FAM221A: variants seen among roughly 807,000 people sequenced by gnomAD.
The protein encoded by FAM221A is family with sequence similarity 221 member A.
FAM221A carries 43 observed loss-of-function variants against 37.6 expected under a neutral mutation model. The observed-to-expected ratio is 1.15, with a 90% CI of 0.90 to 1.48. The LOEUF is 1.48. Ranked by LOEUF, FAM221A falls within the 40% of genes most tolerant of loss-of-function variation. The pLI, the probability that FAM221A is intolerant of heterozygous loss-of-function variation, is 0.00. For synonymous variants in FAM221A, 135 were observed against 132.9 expected, an observed-to-expected ratio of 1.02 and a Z score of -0.11; for missense variants, 361 against 361.5, an observed-to-expected ratio of 1.00 and a Z score of 0.01.
At chr7:23,691,674 T>G in intron 4 of FAM221A, 78 bp downstream of exon 4, 1 of 1,214,516 alleles carries the variant, frequency 8.2e-7, no homozygotes, top group South Asian at 1.3e-5. Flanking sequence ...TTATATTTGT[T>G]AAGCAATTTA....
chr7:23,703,101 A>G (rs1034028110), downstream of FAM221A: 1 of 152,212 alleles, frequency 6.6e-6, no homozygotes, highest in African/African-American at 2.4e-5. Context: ...ACTTCCTCAG[A>G]AAGTCCTATC....
intron 2 of FAM221A, chr7:23,686,741 C>T (rs1388047255): frequency 6.6e-6 from 1 of 150,394 alleles, no homozygotes; most frequent in Non-Finnish European, 1.5e-5. Flanking sequence ...CAGCTCACTA[C>T]CCAAAGCCAG....
At chr7:23,682,645 G>A (rs962486291) in intron 1 of FAM221A, among the ~76,000 whole-genome samples, 3 of 151,684 alleles carry the variant, frequency 2.0e-5, no homozygotes, top group South Asian at 4.2e-4. Flanking sequence ...GGCTGGGCTC[G>A]AACTCCTGAC....
chr7:23,692,302 T>C (rs1562524315), intron 4 of FAM221A: 1 of 622,876 alleles, frequency 1.6e-6, no homozygotes, highest in Non-Finnish European at 2.0e-6. Context: ...TATTTTTTCA[T>C]TTAAAAATTA....
At chr7:23,696,261 C>G (rs1020656902) in intron 4 of FAM221A, among the ~76,000 whole-genome samples, 11 of 121,782 alleles carry the variant, frequency 9.0e-5, no homozygotes, top group Admixed American at 2.7e-4. Context: ...AAAAATATGG[C>G]ATAAAAAATA....
At chr7:23,700,154 G>T (rs775499596) in intron 5 of FAM221A, among the ~76,000 whole-genome samples, 1 of 151,714 alleles carries the variant, frequency 6.6e-6, no homozygotes, top group African/African-American at 2.4e-5. Flanking sequence ...AACTAGAAGC[G>T]CAAGTGTTCA....
chr7:23,698,147 C>A, intron 4 of FAM221A, 45 bp from the exon 5 acceptor site: 1 of 951,860 alleles, frequency 1.1e-6, no homozygotes, highest in Non-Finnish European at 1.7e-6. Context: ...TTGTTTGTAT[C>A]CCTGTAAATA....
intron 2 of FAM221A, 86 bp downstream of exon 2, chr7:23,684,758 A>C (rs1267964178): frequency 5.7e-6 from 7 of 1,222,602 alleles, no homozygotes; most frequent in Middle Eastern, 2.0e-4. Context: ...AATGATTGAG[A>C]AACATTTAAC....
At chr7:23,698,029 G>GCC (rs1198572844) in intron 4 of FAM221A, among the ~76,000 whole-genome samples, 163 bp from the exon 5 acceptor site, 2 of 151,988 alleles carry the variant, frequency 1.3e-5, no homozygotes, top group Admixed American at 1.3e-4. Context: ...CAAAGTGTTG[G>GCC]CATTACAGGC....
chr7:23,690,199 A>ATATATATATATATTTT lies in FAM221A; in HGVS notation c.430+741_430+742insATATATATATATTTTT, dbSNP rs774313037. Among the ~76,000 whole-genome samples, 49 of 48,732 alleles carry ATATATATATATATTTT rather than the reference A, an allele frequency of 1.0e-3. 1 individual carries two copies. The highest frequency in any genetic ancestry group is 0.016 in the Middle Eastern group (1 of 62). 32.0% of individuals were successfully genotyped at this position (48,732 alleles called of 152,430 possible). A position where few individuals can be genotyped will look rare whatever the true frequency, so the allele number is the denominator to read the frequency against. ...TATATATATATATATATATATATATATTTTTTTTTTTTTTAATAGAGTTTT... is the reference window on the plus strand; with the variant it reads ...TATATATATATATATATATATATATATATATATATATATTTTTTTTTTTTTTTTTTAATAGAGTTTT... On this transcript the variant is annotated intron_variant, in intron 3 of 6. Coordinates refer to ENST00000344962, the MANE Select transcript of FAM221A (RefSeq NM_199136.5).
rs774313037 is a variant in FAM221A at position 23,690,199 on chromosome 7, A to ATATATTTTT, written c.430+741_430+742insATATTTTTT. The stretch of plus-strand genomic sequence containing the variant: ...TATATATATATATATATATATATAT[A>ATATATTTTT]TTTTTTTTTTTTTTAATAGAGTTTT... On this transcript the variant is annotated intron_variant, in intron 3 of 6. Transcript: ENST00000344962. Among the ~76,000 whole-genome samples the ATATATTTTT allele has an allele frequency of 2.9e-3, 142 of 48,722 alleles. 1 individual carries two copies. The highest frequency in any genetic ancestry group is 4.2e-3 in the East Asian group (5 of 1,180). 32.0% of individuals were successfully genotyped at this position (48,722 alleles called of 152,430 possible). A position where few individuals can be genotyped will look rare whatever the true frequency, so the allele number is the denominator to read the frequency against.
In FAM221A at chr7:23,698,260, C is replaced by T; in HGVS notation, c.706C>T (p.Gln236Ter). ...AVDSPFLKAF[Q>*]ASSSSSPETL... Reference sequence around the variant, plus strand: ...AGACAGCCCATTCCTAAAAGCATTTCAAGCATCATCTAGTTCTTCTCCAGA... The same window carrying T: ...AGACAGCCCATTCCTAAAAGCATTTTAAGCATCATCTAGTTCTTCTCCAGA... Residue 236 changes from glutamine (Q) to a stop codon, truncating the protein, a stop_gained, in exon 5 of 7, where the codon CAA becomes TAA. Transcript: ENST00000344962. LOFTEE classifies it high-confidence loss of function. 6.3e-7 allele frequency: 1 copy of T among 1,595,464 alleles called. No homozygotes were observed. Among genetic ancestry groups the T allele is most frequent in the South Asian group, 1.1e-5 (1 of 88,086 alleles).
At chr7:23,681,170 G>A (rs1278869912) in intron 1 of FAM221A, among the ~76,000 whole-genome samples, 4 of 152,190 alleles carry the variant, frequency 2.6e-5, no homozygotes, top group African/African-American at 9.7e-5. Flanking sequence ...CTAGGAGCTT[G>A]ATGGGGTCAG....
intron 1 of FAM221A, among the ~76,000 whole-genome samples, chr7:23,681,562 G>T (rs1195521687): frequency 2.0e-5 from 3 of 152,122 alleles, no homozygotes; most frequent in Non-Finnish European, 4.4e-5. Context: ...TGGGACTACA[G>T]GCGGCCAGCT....
Position 23,684,492 on chromosome 7 carries a change from G to T in FAM221A, c.66-7G>T, listed in dbSNP as rs769989488. The T allele has an allele frequency of 6.4e-7, 1 of 1,569,138 alleles. No homozygotes were observed. On this transcript the variant is annotated splice_region_variant and splice_polypyrimidine_tract_variant and intron_variant, in intron 1 of 6. Transcript: ENST00000344962. ...AAGCTTAAGAGAAATATATATTTTT[G>T]TTGTAGAATTGTTGGTGAGGATGAT...
At chr7:23,696,684 G>C (rs1785079386) in intron 4 of FAM221A, among the ~76,000 whole-genome samples, 1 of 152,222 alleles carries the variant, frequency 6.6e-6, no homozygotes, top group African/African-American at 2.4e-5. Context: ...TGATTTCATA[G>C]GGAAAGAAAG....
intron 4 of FAM221A, among the ~76,000 whole-genome samples, chr7:23,692,015 A>G (rs1784780907): frequency 6.6e-6 from 1 of 152,206 alleles, no homozygotes; most frequent in Non-Finnish European, 1.5e-5. Context: ...TTTGGAAACA[A>G]TAGGTTTATG....
At chr7:23,682,443 T>TA (rs1253601124) in intron 1 of FAM221A, among the ~76,000 whole-genome samples, 2,785 of 145,872 alleles carry the variant, frequency 0.019, 78 homozygotes, top group African/African-American at 0.058. Flanking sequence ...ATTATTATTT[T>TA]TTTTTTTAGA....
intron 4 of FAM221A, 67 bp downstream of exon 4, chr7:23,691,663 C>A: frequency 7.7e-7 from 1 of 1,303,892 alleles, no homozygotes; most frequent in Non-Finnish European, 1.1e-6. Context: ...ATAGTGAAGC[C>A]TTATATTTGT....
Sources: gnomAD v4.1 joint callset for allele counts (sites outside exome capture counted in the v4.1 genomes callset) on GRCh38, gnomAD v4.1.1 for gene constraint, MANE v1.5 for transcripts, NCBI Gene and HGNC (gene_info 2026-07-23, HGNC 2026-07-21) for gene names.